The following RABGAP1L variants were observed in gnomAD, a reference collection of about 807,000 sequenced individuals.
RABGAP1L encodes the protein RAB GTPase activating protein 1 like, also known as rab GTPase-activating protein 1-like.
Under a neutral mutation model 137.7 loss-of-function variants are expected in RABGAP1L, and 63 were observed. The ratio of observed to expected loss-of-function variants is 0.46; its 90% CI spans 0.37 to 0.56. The LOEUF is 0.56. Ranked by LOEUF, RABGAP1L falls within the 20% of genes least tolerant of loss-of-function variation. The pLI, the probability that RABGAP1L is intolerant of heterozygous loss-of-function variation, is 0.00. For missense variants in RABGAP1L, 1,095 were observed against 1,244.0 expected, an observed-to-expected ratio of 0.88 and a Z score of 1.80; for synonymous variants, 431 against 433.7, an observed-to-expected ratio of 0.99 and a Z score of 0.08.
Position 174,984,818 on chromosome 1 carries a change from A to T in RABGAP1L, c.2805+1913A>T, listed in dbSNP as rs1480715348. Among the ~76,000 whole-genome samples, 4 of 152,220 alleles carry T rather than the reference A, an allele frequency of 2.6e-5. No homozygotes were observed. In the East Asian group the frequency reaches 5.8e-4, roughly 22 times the overall value. ...TCAGCATTGTAGAGAAAACAAAATC[A>T]TGAGAACTATAGACCAAAAAAGGCT... is the stretch of plus-strand genomic sequence containing the variant. On this transcript the variant is annotated intron_variant, in intron 24 of 25. Transcript: ENST00000681986.
chr1:174,781,525 A>G (rs539193785), intron 18 of RABGAP1L, among the ~76,000 whole-genome samples: 1 of 151,868 alleles, frequency 6.6e-6, no homozygotes, highest in African/African-American at 2.4e-5. Flanking sequence ...TTGCCTGTTC[A>G]CTCTGATGGT....
chr1:174,548,877 A>G (rs1666226936), intron 13 of RABGAP1L, among the ~76,000 whole-genome samples: 1 of 152,234 alleles, frequency 6.6e-6, no homozygotes, highest in Non-Finnish European at 1.5e-5. Context: ...AAGGGCTTAG[A>G]AAATAATTTA....
At chr1:174,571,835 A>AAAT (rs1409927738) in intron 13 of RABGAP1L, among the ~76,000 whole-genome samples, 5 of 152,292 alleles carry the variant, frequency 3.3e-5, no homozygotes, top group Middle Eastern at 3.4e-3. Flanking sequence ...ATGAATTATA[A>AAAT]AGTATGTTTA....
At chr1:174,900,836 C>A (rs1658021585) in intron 19 of RABGAP1L, among the ~76,000 whole-genome samples, 1 of 152,126 alleles carries the variant, frequency 6.6e-6, no homozygotes, top group African/African-American at 2.4e-5. Flanking sequence ...TGAATGTTGA[C>A]CTGTCTTGCT....
At chr1:174,613,510 G>A (rs886604121) in intron 13 of RABGAP1L, among the ~76,000 whole-genome samples, 27 of 152,272 alleles carry the variant, frequency 1.8e-4, no homozygotes, top group African/African-American at 6.3e-4. Context: ...GTGTGGTTTG[G>A]TGCTGAAAAG....
rs574398206 is a variant in RABGAP1L at position 174,965,590 on chromosome 1, T to C, written c.2434-3687T>C. ...TAAGCTCTGTTTAGCCCTCAGTAGG[T>C]AAGTGTGGGCAAGTTCTTTGTAGAA... On this transcript the variant is annotated intron_variant, in intron 20 of 25. Transcript: ENST00000681986. Among the ~76,000 whole-genome samples the C allele has an allele frequency of 2.0e-5, 3 of 152,316 alleles. No homozygotes were observed. In the South Asian group the frequency reaches 6.2e-4, roughly 32 times the overall value.
At chr1:174,289,008 T>C (rs1676332425) in intron 10 of RABGAP1L, among the ~76,000 whole-genome samples, 1 of 152,136 alleles carries the variant, frequency 6.6e-6, no homozygotes, top group Non-Finnish European at 1.5e-5. Context: ...TATTAAATTT[T>C]TAAATTCAGT....
chr1:174,278,274 C>T (rs1414238832), intron 9 of RABGAP1L, among the ~76,000 whole-genome samples: 1 of 151,910 alleles, frequency 6.6e-6, no homozygotes, highest in East Asian at 1.9e-4. Context: ...GGTGTTGTGG[C>T]GGGCACCTGT....
At chr1:174,806,414 A>G (rs1378417185) in intron 18 of RABGAP1L, among the ~76,000 whole-genome samples, 1 of 152,204 alleles carries the variant, frequency 6.6e-6, no homozygotes, top group Admixed American at 6.5e-5. Context: ...AATCTGGGCA[A>G]CATAGCAAAA....
chr1:174,687,539 G>T (rs538043636), intron 15 of RABGAP1L, among the ~76,000 whole-genome samples: 6 of 152,164 alleles, frequency 3.9e-5, no homozygotes, highest in Non-Finnish European at 5.9e-5. Flanking sequence ...CAACCAATTT[G>T]AATAACAGAA....
chr1:174,953,840 C>G (rs1405911860), intron 19 of RABGAP1L, among the ~76,000 whole-genome samples: 1 of 152,100 alleles, frequency 6.6e-6, no homozygotes, highest in East Asian at 1.9e-4. Flanking sequence ...CTGCAGAGCC[C>G]CAGGGGAGAA....
chr1:174,493,821 GAAAA>G (rs1216753395), intron 13 of RABGAP1L, among the ~76,000 whole-genome samples: 2 of 89,610 alleles, frequency 2.2e-5, no homozygotes. Context: ...GACCCTGTCT[GAAAA>G]AAAAAAAAAA....
intron 24 of RABGAP1L, among the ~76,000 whole-genome samples, chr1:174,987,316 G>A (rs1232908114): frequency 6.6e-6 from 1 of 152,110 alleles, no homozygotes; most frequent in Non-Finnish European, 1.5e-5. Flanking sequence ...ATAGGTGCCC[G>A]CCACCATGCC....
At chr1:174,548,375 C>T in intron 13 of RABGAP1L, 5 of 1,032,334 alleles carry the variant, frequency 4.8e-6, no homozygotes, top group East Asian at 6.7e-5. Context: ...AAAGTCCTGT[C>T]TACCATATAT....
intron 7 of RABGAP1L, among the ~76,000 whole-genome samples, chr1:174,270,071 A>G (rs138278186): frequency 1.3e-5 from 2 of 152,338 alleles, no homozygotes; most frequent in Admixed American, 1.3e-4. Flanking sequence ...AGCTTGACAG[A>G]AAATAATTAT....
intron 18 of RABGAP1L, among the ~76,000 whole-genome samples, chr1:174,778,991 C>T (rs1686746798): frequency 6.6e-6 from 1 of 152,146 alleles, no homozygotes; most frequent in Admixed American, 6.5e-5. Flanking sequence ...ACCCAACTTC[C>T]AATTTAATAA....
At chr1:174,584,737 A>G (rs1263552080) in intron 13 of RABGAP1L, among the ~76,000 whole-genome samples, 1 of 152,190 alleles carries the variant, frequency 6.6e-6, no homozygotes, top group Non-Finnish European at 1.5e-5. Context: ...TTGTGAGGCC[A>G]ATAAACTTAA....
rs148023830 is a variant in RABGAP1L, at chr1:174,479,684, G to A, written c.1710+85539G>A. Among the ~76,000 whole-genome samples, 856 of 152,224 alleles carry A rather than the reference G, an allele frequency of 5.6e-3. 4 individuals carry two copies. The highest frequency in any genetic ancestry group is 0.01 in the South Asian group (50 of 4,824). ...TTTGCATGCTTTTCTTTTCTATTCCGTTGCTTCAGGCAATATAATTTACTA... is the reference window on the plus strand; with the variant it reads ...TTTGCATGCTTTTCTTTTCTATTCCATTGCTTCAGGCAATATAATTTACTA... On this transcript the variant is annotated intron_variant, in intron 13 of 25. Coordinates refer to ENST00000681986, the MANE Select transcript of RABGAP1L (RefSeq NM_001366446.1).
intron 10 of RABGAP1L, among the ~76,000 whole-genome samples, chr1:174,289,877 G>C (rs1676417926): frequency 6.6e-6 from 1 of 152,182 alleles, no homozygotes; most frequent in African/African-American, 2.4e-5. Context: ...AGTTAGGCGG[G>C]GTTGCTGGCT....
Sources: allele counts gnomAD v4.1 joint callset (sites outside exome capture counted in the v4.1 genomes callset), GRCh38; gene constraint gnomAD v4.1.1; transcripts MANE v1.5; gene names NCBI Gene and HGNC (gene_info 2026-07-23, HGNC 2026-07-21).